Variants in TBC1D1 observed in about 807,000 individuals in gnomAD.
TBC1D1 encodes the protein TBC1 domain family member 1.
Under a neutral mutation model 125.6 loss-of-function variants are expected in TBC1D1, and 89 were observed. The observed-to-expected ratio is 0.71, with a 90% CI of 0.60 to 0.85. The LOEUF (loss-of-function observed/expected upper bound fraction) is 0.85, where lower values mean the gene tolerates loss of function less well. TBC1D1 is among the 40% of genes least tolerant of loss of function. TBC1D1 has a pLI of 0.00. For synonymous variants in TBC1D1, 565 were observed against 564.1 expected (o/e 1.00, Z -0.02); for missense variants, 1,377 against 1,469.2 (o/e 0.94, Z 1.03).
intron 2 of TBC1D1, among the ~76,000 whole-genome samples, chr4:37,997,868 A>G (rs1738159086): frequency 6.6e-6 from 1 of 152,086 alleles, no homozygotes; most frequent in South Asian, 2.1e-4. Flanking sequence ...GAGGTGCAGC[A>G]CACCCTGGTT....
At chr4:38,034,890 A>G in intron 7 of TBC1D1, among the ~76,000 whole-genome samples, 1 of 152,044 alleles carries the variant, frequency 6.6e-6, no homozygotes, top group Admixed American at 6.5e-5. Context: ...ATTTGGGAGC[A>G]GGAGGAGACC....
chr4:38,014,433 AAGAGCATGGTG>A lies in TBC1D1; in HGVS notation c.418-75_418-65del. On this transcript the variant is annotated intron_variant, in intron 2 of 19. Transcript: ENST00000261439. This position sits in a 1 kb window ranked among gnomAD's most constrained non-coding sequence, Gnocchi z 5.1. ...TGGAGTAGCCAGCGGGGCGTCCCGA[AAGAGCATGGTG>A]CATTCATTCCGTGAGTGCCAGCCAC... is the stretch of plus-strand genomic sequence containing the variant. The A allele has an allele frequency of 6.8e-7, 1 of 1,464,560 alleles. No individual in the cohort carries two copies. The highest frequency in any genetic ancestry group is 9.4e-7 in the Non-Finnish European group (1 of 1,062,594). The allele number at this position is 1,464,560 out of a possible 1,614,324, so 90.7% of individuals were successfully genotyped here. A position where few individuals can be genotyped will look rare whatever the true frequency, so the allele number is the denominator to read the frequency against.
At position 38,088,955 on chromosome 4, in the gene TBC1D1, T is replaced by C. The variant is rs377517752; in HGVS notation, c.2051-977T>C. ...ATAATTTCAATTCTTGCTTTTCTAT[T>C]GAACAGTACACAGTAACATCCTCCT... is the stretch of plus-strand genomic sequence containing the variant. On this transcript the variant is annotated intron_variant, in intron 12 of 19. Coordinates refer to ENST00000261439, the MANE Select transcript of TBC1D1 (RefSeq NM_015173.4). Among the ~76,000 whole-genome samples, 8 of 152,362 alleles carry C rather than the reference T, an allele frequency of 5.3e-5. No individual in the cohort carries two copies. In the East Asian group the frequency reaches 1.2e-3, roughly 22 times the overall value.
At chr4:38,116,773 T>C (rs1303247154) in intron 16 of TBC1D1, among the ~76,000 whole-genome samples, 1 of 152,208 alleles carries the variant, frequency 6.6e-6, no homozygotes, top group Non-Finnish European at 1.5e-5. Context: ...TATTCCTAAA[T>C]GTTGCAGCAC....
At chr4:38,114,425 GA>G (rs1272962788) in intron 15 of TBC1D1, among the ~76,000 whole-genome samples, 1 of 152,206 alleles carries the variant, frequency 6.6e-6, no homozygotes, top group Non-Finnish European at 1.5e-5. Flanking sequence ...GGAAGCTGAG[GA>G]AGAGCCCATG....
intron 12 of TBC1D1, among the ~76,000 whole-genome samples, chr4:38,080,556 A>G (rs1756370562): frequency 6.6e-6 from 1 of 152,102 alleles, no homozygotes; most frequent in Non-Finnish European, 1.5e-5. Context: ...CAAATTCATC[A>G]TGCTGCTTTC....
chr4:38,027,964 A>G, intron 7 of TBC1D1, 85 bp downstream of exon 7: 2 of 1,015,388 alleles, frequency 2.0e-6, no homozygotes. Flanking sequence ...ATAGCAAACC[A>G]GTGTTGTCCC....
intron 13 of TBC1D1, among the ~76,000 whole-genome samples, chr4:38,091,095 G>T (rs2152539968): frequency 6.6e-6 from 1 of 152,324 alleles, no homozygotes; most frequent in Non-Finnish European, 1.5e-5. Context: ...CAATGCTTGT[G>T]AGTTATGACA....
chr4:38,102,827 G>A (rs977114441), intron 14 of TBC1D1, among the ~76,000 whole-genome samples, 172 bp from the exon 17 acceptor site: 5 of 151,136 alleles, frequency 3.3e-5, no homozygotes, highest in African/African-American at 1.2e-4. Context: ...GCTGCAGTGA[G>A]ATGTGATTGT....
At chr4:38,027,750 A>T in intron 6 of TBC1D1, 38 bp from the exon 7 acceptor site, 1 of 1,459,784 alleles carries the variant, frequency 6.9e-7, no homozygotes. Context: ...CAACTTTTAT[A>T]TAGAATTTTT....
intron 8 of TBC1D1, among the ~76,000 whole-genome samples, chr4:38,039,985 C>T (rs1272943360): frequency 6.6e-6 from 1 of 151,864 alleles, no homozygotes; most frequent in Admixed American, 6.6e-5. Flanking sequence ...GTCTAAGAAC[C>T]AGTGTCATCT....
intron 12 of TBC1D1, among the ~76,000 whole-genome samples, chr4:38,083,349 C>T (rs887195826): frequency 6.6e-6 from 1 of 152,180 alleles, no homozygotes; most frequent in Non-Finnish European, 1.5e-5. Context: ...ACTATCTGGT[C>T]GTTAGACAAA....
intron 2 of TBC1D1, among the ~76,000 whole-genome samples, chr4:37,986,578 T>C (rs954954639): frequency 5.9e-5 from 9 of 152,160 alleles, no homozygotes; most frequent in African/African-American, 2.2e-4. Context: ...CCAGAGTAGC[T>C]GGGACTACAG....
At chr4:37,978,495 T>C (rs892641851) in intron 2 of TBC1D1, among the ~76,000 whole-genome samples, 10 of 152,238 alleles carry the variant, frequency 6.6e-5, no homozygotes, top group African/African-American at 1.9e-4. Context: ...TCTTGAGTTA[T>C]CATGCAATGC....
intron 2 of TBC1D1, among the ~76,000 whole-genome samples, chr4:37,984,460 G>T (rs1340299725): frequency 6.6e-6 from 1 of 152,180 alleles, no homozygotes; most frequent in Non-Finnish European, 1.5e-5. Context: ...TAGGTGTGTA[G>T]TGGTACCTCA....
At chr4:38,117,988 G>C in intron 16 of TBC1D1, 45 bp from the exon 19 acceptor site, 2 of 1,587,988 alleles carry the variant, frequency 1.3e-6, no homozygotes, top group Non-Finnish European at 1.7e-6. Flanking sequence ...CTTTATTGCT[G>C]TGGCAGATCC....
chr4:38,065,029 C>A (rs1753451289), intron 12 of TBC1D1, among the ~76,000 whole-genome samples: 1 of 152,104 alleles, frequency 6.6e-6, no homozygotes, highest in Non-Finnish European at 1.5e-5. Context: ...CTCCTGAGTT[C>A]AAGTGATTCT....
intron 2 of TBC1D1, among the ~76,000 whole-genome samples, chr4:37,926,230 T>C (rs1008718433): frequency 1.3e-5 from 2 of 152,258 alleles, no homozygotes; most frequent in African/African-American, 4.8e-5. Flanking sequence ...ACACTGGATT[T>C]ACACCAGGAT....
At chr4:38,017,507 A>G (rs542627067) in intron 3 of TBC1D1, among the ~76,000 whole-genome samples, 1 of 152,344 alleles carries the variant, frequency 6.6e-6, no homozygotes, top group African/African-American at 2.4e-5. Flanking sequence ...AACAGAATGC[A>G]CGTTTCTTGG....
Sources: gnomAD v4.1 joint callset for allele counts (sites outside exome capture counted in the v4.1 genomes callset) on GRCh38, gnomAD v4.1.1 for gene constraint, Gnocchi (gnomAD v3.1) non-coding constraint, MANE v1.5 for transcripts, NCBI Gene and HGNC (gene_info 2026-07-23, HGNC 2026-07-21) for gene names.